Variants in DHX35 observed in about 807,000 individuals in gnomAD.
The protein encoded by DHX35 is DEAH-box helicase 35, also known as probable ATP-dependent RNA helicase DHX35.
DHX35 carries 84 observed loss-of-function variants against 99.6 expected under a neutral mutation model. That is an observed-to-expected ratio of 0.84 (90% confidence interval 0.71 to 1.01). The LOEUF is 1.01. DHX35 is among the 50% of genes least tolerant of loss of function. The probability of loss-of-function intolerance (pLI) is 0.00; values close to 1 mark genes in which losing one functional copy is unlikely to be tolerated. For missense variants in DHX35, 852 were observed against 888.5 expected (o/e 0.96, Z 0.52); for synonymous variants, 331 against 316.2 (o/e 1.05, Z -0.50).
intron 3 of DHX35, among the ~76,000 whole-genome samples, chr20:38,982,601 A>G (rs936624050): frequency 6.6e-6 from 1 of 152,188 alleles, no homozygotes; most frequent in Non-Finnish European, 1.5e-5. Flanking sequence ...GAGAGCATTG[A>G]CACGCCCTCT....
At chr20:38,996,786 C>G (rs893605904) in intron 8 of DHX35, among the ~76,000 whole-genome samples, 1 of 152,062 alleles carries the variant, frequency 6.6e-6, no homozygotes, top group Non-Finnish European at 1.5e-5. Context: ...TGTTTTAGGT[C>G]TGCCCATGGT....
At chr20:38,981,288 A>C (rs979405991) in intron 3 of DHX35, among the ~76,000 whole-genome samples, 5 of 152,092 alleles carry the variant, frequency 3.3e-5, no homozygotes, top group African/African-American at 7.2e-5. Flanking sequence ...TGTCTGTAGC[A>C]GTGATGATTT....
At chr20:38,962,566 C>A in intron 1 of DHX35, 159 bp downstream of exon 1, 1 of 856,174 alleles carries the variant, frequency 1.2e-6, no homozygotes, top group Non-Finnish European at 1.8e-6. Context: ...TCAGGCTCCC[C>A]AGTGGTCCCG....
At chr20:38,982,046 G>A (rs2145856440) in intron 3 of DHX35, among the ~76,000 whole-genome samples, 1 of 150,586 alleles carries the variant, frequency 6.6e-6, no homozygotes, top group Admixed American at 6.6e-5. Context: ...GGAAATATAT[G>A]TATGAATATT....
At chr20:38,979,459 A>G (rs2086137619) in intron 3 of DHX35, among the ~76,000 whole-genome samples, 1 of 152,248 alleles carries the variant, frequency 6.6e-6, no homozygotes, top group Non-Finnish European at 1.5e-5. Context: ...AAAAAGAACA[A>G]AGGAATAAAT....
At chr20:38,989,265 G>GTTTTTTT (rs59991063) in intron 5 of DHX35, among the ~76,000 whole-genome samples, 112 of 111,768 alleles carry the variant, frequency 1.0e-3, no homozygotes, top group African/African-American at 1.2e-3. Flanking sequence ...ACCCGGCTAA[G>GTTTTTTT]TTTTTTTTTT....
In DHX35 at chr20:39,021,822, C is replaced by T. The variant is rs2086876697; in HGVS notation, c.1499-19C>T. On this transcript the variant is annotated intron_variant, in intron 15 of 21. Transcript: ENST00000252011. ...GGCACATTATATGGTTGAAACCAAA[C>T]ATGCTTTTTGTTTTACAGGAAACTT... 9.3e-6 allele frequency: 15 copies of T among 1,612,164 alleles called. No homozygotes were observed. The highest frequency in any genetic ancestry group is 1.2e-5 in the Non-Finnish European group (14 of 1,178,216).
At chr20:38,992,625 TGA>T (rs138193375) in intron 7 of DHX35, among the ~76,000 whole-genome samples, 200 bp downstream of exon 7, 3 of 149,456 alleles carry the variant, frequency 2.0e-5, no homozygotes, top group Admixed American at 1.3e-4. Flanking sequence ...TGTGTGTGTG[TGA>T]GTGAGTGTGT....
chr20:38,995,415 T>C (rs2086412949), intron 8 of DHX35, among the ~76,000 whole-genome samples: 1 of 152,076 alleles, frequency 6.6e-6, no homozygotes, highest in African/African-American at 2.4e-5. Flanking sequence ...TCCCAGCTAC[T>C]TGGGAGGCTG....
chr20:39,018,327 G>A (rs1403407380), intron 14 of DHX35, among the ~76,000 whole-genome samples: 3 of 152,110 alleles, frequency 2.0e-5, no homozygotes, highest in Non-Finnish European at 4.4e-5. Flanking sequence ...CAGAGAACCA[G>A]GAGAGTTGGG....
In DHX35 at chr20:39,001,555, C is replaced by G. The variant is rs117679914; in HGVS notation, c.643-175C>G. ...ATTGAAATGTGATTCCCCACAATTA[C>G]AGTTAGAAAAATGTGAATTTAAAAA... On this transcript the variant is annotated intron_variant, in intron 8 of 21. Coordinates refer to ENST00000252011, the MANE Select transcript of DHX35 (RefSeq NM_021931.4). 1.4e-3 allele frequency among the ~76,000 whole-genome samples: 209 copies of G among 152,318 alleles called. 1 individual carries two copies. The highest frequency in any genetic ancestry group is 3.7e-3 in the African/African-American group (154 of 41,578).
intron 6 of DHX35, among the ~76,000 whole-genome samples, chr20:38,991,911 T>C (rs528790167): frequency 1.2e-4 from 19 of 152,212 alleles, no homozygotes; most frequent in Non-Finnish European, 2.8e-4. Context: ...CTGTCCTACC[T>C]AGGCTCTGGT....
chr20:39,035,938 G>A (rs531198533), intron 21 of DHX35, among the ~76,000 whole-genome samples: 1 of 152,228 alleles, frequency 6.6e-6, no homozygotes, highest in African/African-American at 2.4e-5. Context: ...AGATCAGCCT[G>A]CAGGGACTGA....
intron 21 of DHX35, among the ~76,000 whole-genome samples, chr20:39,034,696 T>C (rs954808595): frequency 1.8e-4 from 27 of 151,790 alleles, no homozygotes; most frequent in African/African-American, 6.5e-4. Context: ...CAAGCAATTC[T>C]CCTGCCTTAG....
intron 21 of DHX35, among the ~76,000 whole-genome samples, chr20:39,037,988 G>A (rs1300068259): frequency 6.6e-6 from 1 of 152,168 alleles, no homozygotes; most frequent in Non-Finnish European, 1.5e-5. Context: ...TACCCTCCAT[G>A]TGGGCAGAGG....
In DHX35 at chr20:39,028,470, A is replaced by G. The variant is rs2086993520; in HGVS notation, c.1854A>G (p.Ala618=). The G allele has an allele frequency of 6.2e-7, 1 of 1,614,134 alleles. No individual in the cohort carries two copies. The highest frequency in any genetic ancestry group is 1.7e-5 in the Admixed American group (1 of 60,010). The stretch of plus-strand genomic sequence containing the variant: ...TTGTCTCCGGCTTCTTCGCCAATGC[A>G]GCGAGGTTTCATTCTACTGGAGCTT... The part of the protein sequence containing the change: ...RCIVSGFFAN[A]ARFHSTGAYR... The change falls in exon 19 of 22, where the codon GCA becomes GCG. Residue 618 remains alanine, a synonymous_variant. Coordinates refer to ENST00000252011, the MANE Select transcript of DHX35 (RefSeq NM_021931.4).
intron 1 of DHX35, among the ~76,000 whole-genome samples, chr20:38,963,892 G>C (rs561266337): frequency 1.4e-3 from 215 of 152,318 alleles, no homozygotes; most frequent in African/African-American, 5.1e-3. Context: ...AAGAAGATGA[G>C]CTCTAGAGTC....
chr20:39,023,734 C>G lies in DHX35; in HGVS notation c.1638C>G (p.Leu546=). The change falls in exon 17 of 22, where the codon CTC becomes CTG. Residue 546 remains leucine, a synonymous_variant. Coordinates refer to ENST00000252011, the MANE Select transcript of DHX35 (RefSeq NM_021931.4). ...TTGCTGTGGAGGAGGGCGACCACCT[C>G]ACTATGCTCAATATATATGAAGCAT... ...RKFAVEEGDH[L]TMLNIYEAFI... 1 of 1,614,088 alleles carries G rather than the reference C, an allele frequency of 6.2e-7. No individual in the cohort carries two copies. Among genetic ancestry groups the G allele is most frequent in the Non-Finnish European group, 8.5e-7 (1 of 1,179,962 alleles).
chr20:39,009,265 T>C (rs2086663720), intron 12 of DHX35, among the ~76,000 whole-genome samples: 2 of 152,254 alleles, frequency 1.3e-5, no homozygotes, highest in African/African-American at 4.8e-5. Flanking sequence ...GTAGCTCATT[T>C]GGAACTTCCT....
Sources: gnomAD v4.1 joint callset for allele counts (sites outside exome capture counted in the v4.1 genomes callset) on GRCh38, gnomAD v4.1.1 for gene constraint, MANE v1.5 for transcripts, NCBI Gene and HGNC (gene_info 2026-07-23, HGNC 2026-07-21) for gene names.